Variants in SMARCC1 observed in about 807,000 individuals in gnomAD.
SMARCC1 encodes SWI/SNF complex subunit SMARCC1.
In SMARCC1, 43 loss-of-function variants were observed where a neutral mutation model predicts 147.4. That is an observed-to-expected ratio of 0.29 (90% CI 0.23 to 0.38). The LOEUF is 0.38. Ranked by LOEUF, SMARCC1 falls within the 10% of genes least tolerant of loss-of-function variation. SMARCC1 has a pLI of 1.00. For missense variants in SMARCC1, 1,119 were observed against 1,381.1 expected (o/e 0.81, Z 3.01); for synonymous variants, 495 against 484.4 (o/e 1.02, Z -0.29).
chr3:47,728,858 C>A (rs2034333506), intron 6 of SMARCC1, among the ~76,000 whole-genome samples, 167 bp downstream of exon 6: 1 of 152,176 alleles, frequency 6.6e-6, no homozygotes, highest in Admixed American at 6.6e-5. Context: ...TGGCAGTGAG[C>A]TGAGATCGCG....
At chr3:47,701,546 G>A in intron 10 of SMARCC1, 144 bp from the exon 11 acceptor site, 1 of 745,288 alleles carries the variant, frequency 1.3e-6, no homozygotes, top group East Asian at 2.8e-5. Flanking sequence ...CGGTCGCGGT[G>A]GTTCATGCCT....
At chr3:47,653,249 G>A in intron 21 of SMARCC1, among the ~76,000 whole-genome samples, 1 of 152,210 alleles carries the variant, frequency 6.6e-6, no homozygotes, top group Non-Finnish European at 1.5e-5. Flanking sequence ...GAGCCACGGC[G>A]CCCGGCCGCT....
At chr3:47,631,966 G>A (rs2032897049) in intron 24 of SMARCC1, among the ~76,000 whole-genome samples, 2 of 152,288 alleles carry the variant, frequency 1.3e-5, no homozygotes, top group Non-Finnish European at 2.9e-5. Context: ...TGCAGCATGA[G>A]CATTTGTACA....
intron 19 of SMARCC1, among the ~76,000 whole-genome samples, chr3:47,663,258 G>GGAAA (rs2033375545): frequency 1.4e-5 from 2 of 145,022 alleles, no homozygotes; most frequent in Non-Finnish European, 3.0e-5. Flanking sequence ...AAGGAAGGAA[G>GGAAA]GAAGGAAGGG....
intron 2 of SMARCC1, among the ~76,000 whole-genome samples, chr3:47,753,637 G>C (rs1377159182): frequency 6.7e-6 from 1 of 148,858 alleles, no homozygotes; most frequent in Non-Finnish European, 1.5e-5. Context: ...GCTTGAATTC[G>C]GGAGGCGGAG....
chr3:47,747,385 T>G (rs2034576055), intron 2 of SMARCC1, among the ~76,000 whole-genome samples: 1 of 140,184 alleles, frequency 7.1e-6, no homozygotes, highest in South Asian at 2.4e-4. Context: ...TGCAGTGAGC[T>G]GAGACCATGC....
In SMARCC1 at chr3:47,621,298, C is replaced by CAA. The variant is rs1183934374; in HGVS notation, c.2781+907_2781+908dup. On this transcript the variant is annotated intron_variant, in intron 25 of 27. Coordinates refer to ENST00000254480, the MANE Select transcript of SMARCC1 (RefSeq NM_003074.4). ...CTGGCAACAGGGCGAGACTCCGTCT[C>CAA]AAAAAAAAAAAAAAAAAAAAGAAAA... Among the ~76,000 whole-genome samples, 437 of 63,110 alleles carry CAA rather than the reference C, an allele frequency of 6.9e-3. 4 individuals carry two copies. The highest frequency in any genetic ancestry group is 0.021 in the African/African-American group (411 of 19,546). The allele number at this position is 63,110 out of a possible 152,430, so 41.4% of individuals were successfully genotyped here. A position where few individuals can be genotyped will look rare whatever the true frequency, so the allele number is the denominator to read the frequency against.
At chr3:47,744,785 A>AGAAATAG (rs1469369969) in intron 3 of SMARCC1, among the ~76,000 whole-genome samples, 1 of 152,174 alleles carries the variant, frequency 6.6e-6, no homozygotes, top group Non-Finnish European at 1.5e-5. Flanking sequence ...GAGAAAAAAA[A>AGAAATAG]GAAATAGTAC....
chr3:47,688,346 G>A (rs953063946), intron 13 of SMARCC1, among the ~76,000 whole-genome samples: 9 of 150,566 alleles, frequency 6.0e-5, no homozygotes, highest in African/African-American at 2.0e-4. Flanking sequence ...TACAGGTGAA[G>A]AGTCATAAGA....
intron 26 of SMARCC1, among the ~76,000 whole-genome samples, chr3:47,594,176 T>C (rs1319933969): frequency 1.5e-5 from 2 of 133,042 alleles, no homozygotes; most frequent in Non-Finnish European, 3.3e-5. Context: ...AAAAAAAAAA[T>C]AGGAATTAGG....
chr3:47,608,470 C>T (rs772996450), intron 26 of SMARCC1, among the ~76,000 whole-genome samples: 4 of 151,962 alleles, frequency 2.6e-5, no homozygotes, highest in Admixed American at 6.6e-5. Flanking sequence ...ATGGATGATC[C>T]GACTGACAAC....
At chr3:47,740,156 G>A (rs1457013152) in intron 3 of SMARCC1, among the ~76,000 whole-genome samples, 13 of 129,850 alleles carry the variant, frequency 1.0e-4, no homozygotes, top group Non-Finnish European at 1.9e-4. Context: ...GATTACAGAT[G>A]TGAGCCACCA....
At chr3:47,589,346 CTTTGGG>C (rs1243599498) in intron 27 of SMARCC1, among the ~76,000 whole-genome samples, 10 of 152,264 alleles carry the variant, frequency 6.6e-5, no homozygotes, top group South Asian at 2.1e-4. Flanking sequence ...ACTGAGGTCC[CTTTGGG>C]AAGGAATCCT....
At chr3:47,691,411 C>A (rs973086687) in intron 12 of SMARCC1, among the ~76,000 whole-genome samples, 1 of 149,988 alleles carries the variant, frequency 6.7e-6, no homozygotes, top group Non-Finnish European at 1.5e-5. Flanking sequence ...GTCAGCATTT[C>A]AAGACCAACC....
Position 47,781,586 on chromosome 3 carries a change from C to G in SMARCC1, c.195+17G>C. Reference sequence around the variant, plus strand: ...CGGTCGCGTGGTCTCCCGGCCCCCACGGGCGCGCGAACCCACCTTCTTGTA... The same window carrying G: ...CGGTCGCGTGGTCTCCCGGCCCCCAGGGGCGCGCGAACCCACCTTCTTGTA... On this transcript the variant is annotated intron_variant, in intron 1 of 27. Transcript: ENST00000254480. 1 of 1,509,362 alleles carries G rather than the reference C, an allele frequency of 6.6e-7. No homozygotes were observed. The highest frequency in any genetic ancestry group is 8.8e-7 in the Non-Finnish European group (1 of 1,132,910). 93.5% of individuals were successfully genotyped at this position (1,509,362 alleles called of 1,614,324 possible).
At chr3:47,764,748 C>T (rs940089399) in intron 2 of SMARCC1, among the ~76,000 whole-genome samples, 1 of 152,206 alleles carries the variant, frequency 6.6e-6, no homozygotes, top group African/African-American at 2.4e-5. Context: ...TCAGATTTAA[C>T]TATTCTTCTA....
intron 26 of SMARCC1, among the ~76,000 whole-genome samples, chr3:47,606,505 T>C (rs2032479065): frequency 2.0e-5 from 3 of 152,154 alleles, no homozygotes; most frequent in Admixed American, 2.0e-4. Context: ...CAAAATCTCA[T>C]TTAGGGAAGA....
At chr3:47,600,845 C>A (rs566374558) in intron 26 of SMARCC1, among the ~76,000 whole-genome samples, 22 of 152,040 alleles carry the variant, frequency 1.4e-4, no homozygotes, top group African/African-American at 5.1e-4. Flanking sequence ...GTCTGCATTT[C>A]CATTAATTCT....
intron 1 of SMARCC1, among the ~76,000 whole-genome samples, chr3:47,774,032 G>A (rs528000848): frequency 4.0e-5 from 6 of 151,244 alleles, no homozygotes; most frequent in African/African-American, 7.3e-5. Context: ...TTTTTTTGCC[G>A]GAGCTAACTT....
Sources: allele counts gnomAD v4.1 joint callset (sites outside exome capture counted in the v4.1 genomes callset), GRCh38; gene constraint gnomAD v4.1.1; transcripts MANE v1.5; gene names NCBI Gene and HGNC (gene_info 2026-07-23, HGNC 2026-07-21).